PDLIM5: variants seen among roughly 807,000 people sequenced by gnomAD.
The protein encoded by PDLIM5 is PDZ and LIM domain protein 5.
In PDLIM5, 34 loss-of-function variants were observed where a neutral mutation model predicts 64.2. That is an observed-to-expected ratio of 0.53 (90% CI 0.40 to 0.71). The LOEUF (loss-of-function observed/expected upper bound fraction) is 0.71, where lower values mean the gene tolerates loss of function less well. PDLIM5 is among the 30% of genes least tolerant of loss of function. The pLI, the probability that PDLIM5 is intolerant of heterozygous loss-of-function variation, is 0.00. For missense variants in PDLIM5, 683 were observed against 733.6 expected (o/e 0.93, Z 0.80); for synonymous variants, 253 against 269.1 (o/e 0.94, Z 0.59).
intron 5 of PDLIM5, among the ~76,000 whole-genome samples, chr4:94,581,029 A>G (rs923736453): frequency 3.3e-5 from 5 of 152,188 alleles, no homozygotes; most frequent in African/African-American, 1.2e-4. Context: ...AATATGCTAA[A>G]CATAAACCCT....
chr4:94,620,388 A>T (rs905829754), intron 8 of PDLIM5, among the ~76,000 whole-genome samples: 1 of 152,130 alleles, frequency 6.6e-6, no homozygotes, highest in African/African-American at 2.4e-5. Context: ...ATAAAATATT[A>T]GCCAGACATG....
intron 3 of PDLIM5, among the ~76,000 whole-genome samples, chr4:94,536,339 A>G (rs1447346746): frequency 6.6e-6 from 1 of 152,208 alleles, no homozygotes; most frequent in Admixed American, 6.6e-5. Flanking sequence ...TGATTCTATG[A>G]CATTGGATTC....
chr4:94,573,272 G>T, intron 3 of PDLIM5, 79 bp from the exon 4 acceptor site: 1 of 1,070,244 alleles, frequency 9.3e-7, no homozygotes. Context: ...TATTATAATA[G>T]TAAAAATTCC....
In PDLIM5 at chr4:94,665,649, A is replaced by G. The variant is rs1003652996; in HGVS notation, c.*1582A>G. On this transcript the variant is annotated 3_prime_UTR_variant, in exon 13 of 13. Coordinates refer to ENST00000317968, the MANE Select transcript of PDLIM5 (RefSeq NM_006457.5). ...TGAGTTATGCCACTGGCTGATGAAGAGTTGAGAGGTCTCTTTGCAGAATGA... is the reference window on the plus strand; with the variant it reads ...TGAGTTATGCCACTGGCTGATGAAGGGTTGAGAGGTCTCTTTGCAGAATGA... 12 of 1,030,866 alleles carry G rather than the reference A, an allele frequency of 1.2e-5. No homozygotes were observed. In the African/African-American group the frequency reaches 2.0e-4, roughly 17 times the overall value. 63.9% of individuals were successfully genotyped at this position (1,030,866 alleles called of 1,614,324 possible). A position where few individuals can be genotyped will look rare whatever the true frequency, so the allele number is the denominator to read the frequency against.
At chr4:94,608,225 A>G (rs1390754779) in intron 7 of PDLIM5, 5 of 1,340,682 alleles carry the variant, frequency 3.7e-6, no homozygotes, top group Non-Finnish European at 4.1e-6. Flanking sequence ...GCTGGTAGTG[A>G]ATTTAAATAT....
At chr4:94,467,891 CT>C (rs1724515410) in intron 2 of PDLIM5, among the ~76,000 whole-genome samples, 1 of 152,188 alleles carries the variant, frequency 6.6e-6, no homozygotes, top group Non-Finnish European at 1.5e-5. Flanking sequence ...TGTGGATATT[CT>C]GTAAGAAGCC....
At chr4:94,489,259 A>G (rs1426710503) in intron 2 of PDLIM5, among the ~76,000 whole-genome samples, 1 of 152,144 alleles carries the variant, frequency 6.6e-6, no homozygotes, top group Admixed American at 6.5e-5. Flanking sequence ...TCAGTCTGGA[A>G]TACTTTGTCC....
intron 4 of PDLIM5, 86 bp downstream of exon 4, chr4:94,573,479 G>A: frequency 3.9e-6 from 4 of 1,037,686 alleles, no homozygotes; most frequent in Middle Eastern, 2.0e-4. Context: ...AGACCATACT[G>A]ACATTCATTT....
chr4:94,498,056 A>G (rs1005409403), intron 2 of PDLIM5, among the ~76,000 whole-genome samples: 1 of 152,194 alleles, frequency 6.6e-6, no homozygotes, highest in African/African-American at 2.4e-5. Context: ...AGCTAAACCT[A>G]GATATTCAGC....
chr4:94,585,247 T>C (rs766653846), intron 5 of PDLIM5, among the ~76,000 whole-genome samples: 18 of 151,980 alleles, frequency 1.2e-4, no homozygotes, highest in Admixed American at 2.6e-4. Context: ...CGTGCCACCA[T>C]TCCCAGCTAA....
At chr4:94,614,044 C>A (rs548290437) in intron 7 of PDLIM5, among the ~76,000 whole-genome samples, 3 of 147,974 alleles carry the variant, frequency 2.0e-5, no homozygotes, top group Admixed American at 6.8e-5. Context: ...TTCACTGCAA[C>A]CTCCGCCTCG....
intron 2 of PDLIM5, among the ~76,000 whole-genome samples, chr4:94,520,992 A>G (rs1251770863): frequency 6.6e-6 from 1 of 152,242 alleles, no homozygotes; most frequent in African/African-American, 2.4e-5. Flanking sequence ...TTGTTATACA[A>G]AGTTGCCAAG....
Position 94,619,926 on chromosome 4 carries a change from A to G in PDLIM5, c.1108+1735A>G, listed in dbSNP as rs191721213. On this transcript the variant is annotated intron_variant, in intron 8 of 12. Coordinates refer to ENST00000317968, the MANE Select transcript of PDLIM5 (RefSeq NM_006457.5). ...GTGTGAGCTCTCATGCTTGGCCAGC[A>G]GCAAGTGATCTTTCTCAAACTCTGA... Among the ~76,000 whole-genome samples the G allele has an allele frequency of 4.2e-3, 644 of 152,292 alleles. 5 individuals are homozygous for G. The highest frequency in any genetic ancestry group is 0.015 in the African/African-American group (613 of 41,566).
intron 3 of PDLIM5, among the ~76,000 whole-genome samples, chr4:94,542,572 C>A (rs547247824): frequency 3.9e-4 from 59 of 152,010 alleles, no homozygotes; most frequent in Non-Finnish European, 6.9e-4. Flanking sequence ...ATGGACTGCT[C>A]GAGTGGCTAA....
intron 2 of PDLIM5, among the ~76,000 whole-genome samples, chr4:94,481,701 T>TG: frequency 6.6e-6 from 1 of 151,996 alleles, no homozygotes; most frequent in East Asian, 1.9e-4. Flanking sequence ...CTCTGCCTCC[T>TG]GGGTTCACGC....
intron 2 of PDLIM5, among the ~76,000 whole-genome samples, chr4:94,497,584 A>C (rs1011109476): frequency 1.3e-5 from 2 of 152,128 alleles, no homozygotes; most frequent in Non-Finnish European, 2.9e-5. Flanking sequence ...TTGCTATTGG[A>C]GAGATAAAGG....
At chr4:94,492,896 G>A (rs1477771842) in intron 2 of PDLIM5, among the ~76,000 whole-genome samples, 1 of 152,130 alleles carries the variant, frequency 6.6e-6, no homozygotes, top group Non-Finnish European at 1.5e-5. Context: ...CCTAGGAGAG[G>A]AATTAGTGGG....
intron 2 of PDLIM5, among the ~76,000 whole-genome samples, chr4:94,514,195 C>T (rs574728264): frequency 1.1e-4 from 16 of 144,200 alleles, no homozygotes; most frequent in Middle Eastern, 8.1e-3. Context: ...AGTGCAGTGG[C>T]GCAATCTGGG....
chr4:94,628,235 A>G (rs1345541118), intron 8 of PDLIM5, among the ~76,000 whole-genome samples: 1 of 152,194 alleles, frequency 6.6e-6, no homozygotes, highest in African/African-American at 2.4e-5. Flanking sequence ...CTAGGAGCCT[A>G]TGTATCTTGA....
Sources: allele counts gnomAD v4.1 joint callset (sites outside exome capture counted in the v4.1 genomes callset), GRCh38; gene constraint gnomAD v4.1.1; transcripts MANE v1.5; gene names NCBI Gene and HGNC (gene_info 2026-07-23, HGNC 2026-07-21).